POC1A: variants seen among roughly 807,000 people sequenced by gnomAD.
POC1A encodes the protein POC1 centriolar protein homolog A.
A neutral mutation model predicts 47.8 loss-of-function variants in POC1A; 34 were observed. The observed-to-expected ratio is 0.71, with a 90% CI of 0.54 to 0.95. The LOEUF (loss-of-function observed/expected upper bound fraction) is 0.95. Among genes scored for constraint, POC1A ranks in the 40% least tolerant of loss-of-function variants. The probability of loss-of-function intolerance (pLI) is 0.00; values close to 1 mark genes in which losing one functional copy is unlikely to be tolerated. For missense variants in POC1A, 466 were observed against 528.3 expected (o/e 0.88, Z 1.16); for synonymous variants, 177 against 207.6 (o/e 0.85, Z 1.27).
rs1275909669 is a variant in POC1A at position 52,090,371 on chromosome 3, C to T, written c.1125+6198G>A. On this transcript the variant is annotated intron_variant, in intron 10 of 10. Transcript: ENST00000296484. The surrounding 1 kb of genome is among the most constrained non-coding windows in gnomAD (Gnocchi z 4.2). ...TTTGCTGTGGGCTTCTGAGGCAAAA[C>T]CACCAAGCCGCGTGTTGGGCCTATG... is the stretch of plus-strand genomic sequence containing the variant. 6.6e-6 allele frequency among the ~76,000 whole-genome samples: 1 copy of T among 152,256 alleles called. No homozygotes were observed. The highest frequency in any genetic ancestry group is 1.5e-5 in the Non-Finnish European group (1 of 68,048).
At chr3:52,081,222 C>T (rs557034428) in intron 10 of POC1A, among the ~76,000 whole-genome samples, 34 of 152,318 alleles carry the variant, frequency 2.2e-4, no homozygotes, top group African/African-American at 6.7e-4. Context: ...TTTATGGACA[C>T]GCCTGCTGGC....
chr3:52,152,842 G>C (rs1054620806), intron 1 of POC1A, among the ~76,000 whole-genome samples: 5 of 152,180 alleles, frequency 3.3e-5, no homozygotes, highest in African/African-American at 9.7e-5. Flanking sequence ...ACCGACTGAA[G>C]TGCTGATGCT....
chr3:52,127,910 G>C (rs543583985), intron 7 of POC1A, among the ~76,000 whole-genome samples: 1 of 152,066 alleles, frequency 6.6e-6, no homozygotes, highest in African/African-American at 2.4e-5. Flanking sequence ...TGGCCAGGCT[G>C]GTCTTGAACT....
intron 9 of POC1A, among the ~76,000 whole-genome samples, chr3:52,115,472 G>A (rs1227983218): frequency 6.6e-6 from 1 of 152,156 alleles, no homozygotes; most frequent in African/African-American, 2.4e-5. Context: ...ATAAATCTGT[G>A]TTCTCATTAA....
chr3:52,130,954 T>G (rs895633436), intron 7 of POC1A, among the ~76,000 whole-genome samples: 2 of 150,368 alleles, frequency 1.3e-5, no homozygotes, highest in African/African-American at 4.9e-5. Flanking sequence ...AGCATAGCCC[T>G]GAGCACAGAC....
chr3:52,147,186 C>A, intron 4 of POC1A, 91 bp from the exon 5 acceptor site: 1 of 1,019,736 alleles, frequency 9.8e-7, no homozygotes, highest in South Asian at 1.3e-5. Context: ...CCCCGAGTGC[C>A]TACTATCTGC....
At position 52,084,623 on chromosome 3, in the gene POC1A, A is replaced by C. The variant is rs1291880042; in HGVS notation, c.1126-8638T>G. On this transcript the variant is annotated intron_variant, in intron 10 of 10. Coordinates refer to ENST00000296484, the MANE Select transcript of POC1A (RefSeq NM_015426.5). This position sits in a 1 kb window ranked among gnomAD's most constrained non-coding sequence, Gnocchi z 4.3. ...GCCAGATCCTTAAAAATACTTCTCC[A>C]AGTGCAGGCTTCACTCGAGGCTTCC... Among the ~76,000 whole-genome samples the C allele has an allele frequency of 1.3e-5, 2 of 152,120 alleles. No homozygotes were observed. Among genetic ancestry groups the C allele is most frequent in the Admixed American group, 1.3e-4 (2 of 15,282 alleles).
chr3:52,087,050 A>G lies in POC1A; in HGVS notation c.1125+9519T>C, dbSNP rs543351509. 2.6e-5 allele frequency among the ~76,000 whole-genome samples: 4 copies of G among 152,212 alleles called. No individual in the cohort carries two copies. The East Asian group carries it at 7.7e-4, about 29-fold the overall frequency. The stretch of plus-strand genomic sequence containing the variant: ...CCCACCCAGCTTGTGAGGAACACTC[A>G]CCCCAGCGTGGGTCTTGGACCTGGT... On this transcript the variant is annotated intron_variant, in intron 10 of 10. Coordinates refer to ENST00000296484, the MANE Select transcript of POC1A (RefSeq NM_015426.5).
At chr3:52,127,812 C>T (rs1273622232) in intron 7 of POC1A, among the ~76,000 whole-genome samples, 1 of 151,942 alleles carries the variant, frequency 6.6e-6, no homozygotes, top group African/African-American at 2.4e-5. Context: ...TCCTGTGCCT[C>T]AGCCTCCCAA....
chr3:52,093,984 TC>T (rs1190238568), intron 10 of POC1A, among the ~76,000 whole-genome samples: 3 of 152,108 alleles, frequency 2.0e-5, no homozygotes, highest in Admixed American at 1.3e-4. Context: ...GCCCGCTGCA[TC>T]CCCATGGCTC....
At chr3:52,082,999 C>T (rs906268306) in intron 10 of POC1A, among the ~76,000 whole-genome samples, 2 of 152,168 alleles carry the variant, frequency 1.3e-5, no homozygotes, top group Non-Finnish European at 2.9e-5. Context: ...GCCGTATCAT[C>T]CTCCACGCCC....
intron 9 of POC1A, among the ~76,000 whole-genome samples, chr3:52,099,075 T>C (rs1214166632): frequency 1.3e-5 from 2 of 152,202 alleles, no homozygotes; most frequent in East Asian, 1.9e-4. Context: ...AACGTCCCCA[T>C]GGAGGCCTCT....
intron 9 of POC1A, among the ~76,000 whole-genome samples, chr3:52,118,772 T>C (rs548043477): frequency 6.6e-6 from 1 of 152,334 alleles, no homozygotes; most frequent in Non-Finnish European, 1.5e-5. Context: ...CTTCAGGGCC[T>C]GAGGCCCAGG....
intron 7 of POC1A, 49 bp downstream of exon 7, chr3:52,138,120 G>A (rs781575995): frequency 2.5e-6 from 4 of 1,605,332 alleles, no homozygotes; most frequent in Non-Finnish European, 3.4e-6. Context: ...CCCAGACAGT[G>A]AAGGTACCAC....
chr3:52,104,806 C>T (rs1219793021), intron 9 of POC1A, among the ~76,000 whole-genome samples: 1 of 152,214 alleles, frequency 6.6e-6, no homozygotes, highest in East Asian at 1.9e-4. Flanking sequence ...CAGGGCCTCC[C>T]AAGCAGCAGC....
chr3:52,133,524 C>T (rs1436678073), intron 7 of POC1A, among the ~76,000 whole-genome samples: 2 of 152,142 alleles, frequency 1.3e-5, no homozygotes, highest in African/African-American at 2.4e-5. Context: ...TGACTCCTGG[C>T]TGATAACCTG....
In POC1A at chr3:52,079,548, C is replaced by T. The variant is rs923364881; in HGVS notation, c.1126-3563G>A. 2.0e-5 allele frequency among the ~76,000 whole-genome samples: 3 copies of T among 152,258 alleles called. No homozygotes were observed. The highest frequency in any genetic ancestry group is 7.2e-5 in the African/African-American group (3 of 41,468). ...AAACAGTTCCTTGATCACACTGCCT[C>T]TCACCCTGTGCTCTGTACAGGGGAG... On this transcript the variant is annotated intron_variant, in intron 10 of 10. Transcript: ENST00000296484. The surrounding 1 kb of genome is among the most constrained non-coding windows in gnomAD (Gnocchi z 4.6).
chr3:52,145,792 C>G (rs1410149308), intron 6 of POC1A, 54 bp downstream of exon 6: 15 of 1,145,410 alleles, frequency 1.3e-5, no homozygotes, highest in Middle Eastern at 2.0e-4. Flanking sequence ...CATCCAACAC[C>G]ATCACAGTCC....
At chr3:52,142,210 A>G (rs1698221631) in intron 6 of POC1A, among the ~76,000 whole-genome samples, 1 of 152,230 alleles carries the variant, frequency 6.6e-6, no homozygotes, top group Non-Finnish European at 1.5e-5. Context: ...GCTGTAAGGC[A>G]CGAAGCACAT....
Sources: gnomAD v4.1 joint callset for allele counts (sites outside exome capture counted in the v4.1 genomes callset) on GRCh38, gnomAD v4.1.1 for gene constraint, Gnocchi (gnomAD v3.1) non-coding constraint, MANE v1.5 for transcripts, NCBI Gene and HGNC (gene_info 2026-07-23, HGNC 2026-07-21) for gene names.